Variants in MAP3K2 observed in about 807,000 individuals in gnomAD.
MAP3K2 encodes MAP/ERK kinase kinase 2.
Under a neutral mutation model 80.3 loss-of-function variants are expected in MAP3K2, and 24 were observed. The ratio of observed to expected loss-of-function variants is 0.30; its 90% CI spans 0.22 to 0.42. The LOEUF is 0.42. Among genes scored for constraint, MAP3K2 ranks in the 10% least tolerant of loss-of-function variants. The pLI is 1.00. For synonymous variants in MAP3K2, 244 were observed against 253.7 expected (o/e 0.96, Z 0.36); for missense variants, 608 against 750.1 (o/e 0.81, Z 2.21).
intron 1 of MAP3K2, among the ~76,000 whole-genome samples, chr2:127,376,076 TAGG>T (rs557544241): frequency 2.0e-3 from 300 of 152,246 alleles, no homozygotes; most frequent in African/African-American, 6.5e-3. Flanking sequence ...GGGAGAGATG[TAGG>T]AGATCAGTCA....
chr2:127,372,415 G>T (rs1053496059), intron 1 of MAP3K2, among the ~76,000 whole-genome samples: 1 of 152,124 alleles, frequency 6.6e-6, no homozygotes, highest in African/African-American at 2.4e-5. Flanking sequence ...TTGGAAATAA[G>T]AATTTTACTG....
At chr2:127,327,724 A>T (rs1686172533) in intron 7 of MAP3K2, among the ~76,000 whole-genome samples, 2 of 152,232 alleles carry the variant, frequency 1.3e-5, no homozygotes, top group Admixed American at 1.3e-4. Flanking sequence ...AAAAACAATT[A>T]AAAAGAATAA....
chr2:127,301,307 T>C lies in MAP3K2; in HGVS notation c.*6272A>G, dbSNP rs1685588560. 1 of 152,184 alleles carries C rather than the reference T, an allele frequency of 6.6e-6. No homozygotes were observed. The highest frequency in any genetic ancestry group is 1.5e-5 in the Non-Finnish European group (1 of 68,042). 9.4% of individuals were successfully genotyped at this position (152,184 alleles called of 1,614,324 possible). A position where few individuals can be genotyped will look rare whatever the true frequency, so the allele number is the denominator to read the frequency against. On this transcript the variant is annotated 3_prime_UTR_variant, in exon 17 of 17. Coordinates refer to ENST00000682094, the MANE Select transcript of MAP3K2 (RefSeq NM_001371910.2). ...CAACCTGAGGCATCAGACGTTAATG[T>C]CTGTCTATGTGAATCAGTGGTCAAG...
At chr2:127,344,895 GCT>G (rs1364636904) in intron 1 of MAP3K2, among the ~76,000 whole-genome samples, 2 of 152,254 alleles carry the variant, frequency 1.3e-5, no homozygotes, top group East Asian at 3.9e-4. Flanking sequence ...GGAGGGTCTT[GCT>G]CTCTTTCCCA....
In MAP3K2 at chr2:127,307,457, C is replaced by CT; in HGVS notation, c.*121dup. 4.0e-6 allele frequency: 2 copies of CT among 504,794 alleles called. No homozygotes were observed. The highest frequency in any genetic ancestry group is 3.5e-6 in the Non-Finnish European group (1 of 285,958). 31.3% of individuals were successfully genotyped at this position (504,794 alleles called of 1,614,324 possible). A position where few individuals can be genotyped will look rare whatever the true frequency, so the allele number is the denominator to read the frequency against. ...ATTTAACCAAGAATCAAGAGAAATACTTTCCCTCTTGTCTTTTTTCTCCCC... is the reference window on the plus strand; with the variant it reads ...ATTTAACCAAGAATCAAGAGAAATACTTTTCCCTCTTGTCTTTTTTCTCCCC... On this transcript the variant is annotated 3_prime_UTR_variant, in exon 17 of 17. Coordinates refer to ENST00000682094, the MANE Select transcript of MAP3K2 (RefSeq NM_001371910.2). This position sits in a 1 kb window ranked among gnomAD's most constrained non-coding sequence, Gnocchi z 5.4.
intron 1 of MAP3K2, among the ~76,000 whole-genome samples, chr2:127,369,358 C>A (rs1457818435): frequency 6.8e-6 from 1 of 146,630 alleles, no homozygotes; most frequent in East Asian, 2.2e-4. Flanking sequence ...ATAGGCTGGG[C>A]GCGGTGGCTC....
At chr2:127,350,374 G>C (rs774830801) in intron 1 of MAP3K2, among the ~76,000 whole-genome samples, 21 of 150,456 alleles carry the variant, frequency 1.4e-4, no homozygotes, top group Non-Finnish European at 2.2e-4. Context: ...GACTGAGGCA[G>C]GAGGATCACT....
At chr2:127,384,467 G>C (rs558521637) in intron 1 of MAP3K2, among the ~76,000 whole-genome samples, 10 of 152,070 alleles carry the variant, frequency 6.6e-5, no homozygotes, top group Non-Finnish European at 1.5e-4. Context: ...TGATTCATGG[G>C]AGGAGGTCAA....
At chr2:127,334,812 C>A (rs1686332761) in intron 5 of MAP3K2, among the ~76,000 whole-genome samples, 1 of 146,644 alleles carries the variant, frequency 6.8e-6, no homozygotes, top group African/African-American at 2.5e-5. Flanking sequence ...CGCTCTGTCA[C>A]CAGGCTGGAG....
chr2:127,312,869 G>A (rs566371453), intron 15 of MAP3K2, among the ~76,000 whole-genome samples: 1 of 152,036 alleles, frequency 6.6e-6, no homozygotes, highest in African/African-American at 2.4e-5. Context: ...AGATGAGGCA[G>A]GAGAATCACT....
At chr2:127,365,923 C>G (rs758902743) in intron 1 of MAP3K2, among the ~76,000 whole-genome samples, 1 of 152,152 alleles carries the variant, frequency 6.6e-6, no homozygotes, top group Non-Finnish European at 1.5e-5. Flanking sequence ...TGATTGAGCC[C>G]TTAAATGATT....
chr2:127,367,493 C>T (rs1487310885), intron 1 of MAP3K2, among the ~76,000 whole-genome samples: 3 of 152,096 alleles, frequency 2.0e-5, no homozygotes, highest in Admixed American at 1.3e-4. Context: ...GAATAAAATA[C>T]TTTGGATTAA....
At chr2:127,371,614 A>G (rs936142799) in intron 1 of MAP3K2, among the ~76,000 whole-genome samples, 2 of 152,218 alleles carry the variant, frequency 1.3e-5, no homozygotes, top group African/African-American at 2.4e-5. Flanking sequence ...AGGCAGCCAC[A>G]GTCAGGGAAC....
intron 1 of MAP3K2, among the ~76,000 whole-genome samples, chr2:127,358,890 C>A (rs1435244095): frequency 6.6e-6 from 1 of 151,666 alleles, no homozygotes; most frequent in Non-Finnish European, 1.5e-5. Context: ...GATTCCACCA[C>A]TGCACTCCAG....
chr2:127,355,912 T>C (rs1054693717), intron 1 of MAP3K2, among the ~76,000 whole-genome samples: 3 of 152,174 alleles, frequency 2.0e-5, no homozygotes, highest in Non-Finnish European at 4.4e-5. Flanking sequence ...AAATCTTTTG[T>C]TGTCATTTCA....
Position 127,303,132 on chromosome 2 carries a change from A to T in MAP3K2, c.*4447T>A, listed in dbSNP as rs1284422745. The T allele has an allele frequency of 6.6e-6, 1 of 152,092 alleles. No individual in the cohort carries two copies. The highest frequency in any genetic ancestry group is 2.4e-5 in the African/African-American group (1 of 41,432). 9.4% of individuals were successfully genotyped at this position (152,092 alleles called of 1,614,324 possible). The stretch of plus-strand genomic sequence containing the variant: ...TTCATTAACATTTAACCAATCTTAA[A>T]ATTCAAATAAATATGAACATTACAT... On this transcript the variant is annotated 3_prime_UTR_variant, in exon 17 of 17. Transcript: ENST00000682094.
rs10173719 is a variant in MAP3K2 at position 127,349,514 on chromosome 2, T to C, written c.-65-6320A>G. On this transcript the variant is annotated intron_variant, in intron 1 of 16. Transcript: ENST00000682094. ...TCAGTACCATTTCAAGGGCAACCACTGTATTACCTCAGTTTTTAGGACTTT... is the reference window on the plus strand; with the variant it reads ...TCAGTACCATTTCAAGGGCAACCACCGTATTACCTCAGTTTTTAGGACTTT... 3.5e-3 allele frequency among the ~76,000 whole-genome samples: 534 copies of C among 152,224 alleles called. 10 individuals carry two copies. Among genetic ancestry groups the C allele is most frequent in the African/African-American group, 0.012 (512 of 41,492 alleles).
chr2:127,314,658 A>T, intron 15 of MAP3K2, 96 bp downstream of exon 15: 1 of 964,248 alleles, frequency 1.0e-6, no homozygotes, highest in Non-Finnish European at 1.6e-6. Context: ...TTTCAGAGAC[A>T]GATGAATTAA....
At chr2:127,335,641 T>G (rs1244260799) in intron 5 of MAP3K2, among the ~76,000 whole-genome samples, 1 of 152,200 alleles carries the variant, frequency 6.6e-6, no homozygotes, top group Non-Finnish European at 1.5e-5. Flanking sequence ...TACATATATT[T>G]TCCCCTATAA....
Sources: gnomAD v4.1 joint callset for allele counts (sites outside exome capture counted in the v4.1 genomes callset) on GRCh38, gnomAD v4.1.1 for gene constraint, Gnocchi (gnomAD v3.1) non-coding constraint, MANE v1.5 for transcripts, NCBI Gene and HGNC (gene_info 2026-07-23, HGNC 2026-07-21) for gene names.